The following GAB2 variants were observed in gnomAD, a reference collection of about 807,000 sequenced individuals.
GAB2 encodes the protein GRB2 associated binding protein 2.
In GAB2, 26 loss-of-function variants were observed where a neutral mutation model predicts 65.5. That is an observed-to-expected ratio of 0.40 (90% CI 0.29 to 0.55). The LOEUF (loss-of-function observed/expected upper bound fraction) is 0.55, where lower values mean the gene tolerates loss of function less well. GAB2 is among the 20% of genes least tolerant of loss of function. GAB2 has a pLI of 0.53. For missense variants in GAB2, 884 were observed against 875.8 expected (o/e 1.01, Z -0.12); for synonymous variants, 321 against 329.6 (o/e 0.97, Z 0.28).
intron 3 of GAB2, among the ~76,000 whole-genome samples, chr11:78,232,720 C>T (rs1298097541): frequency 6.6e-6 from 1 of 152,134 alleles, no homozygotes; most frequent in African/African-American, 2.4e-5. Context: ...TTTACTGTAT[C>T]TTTACAATCA....
chr11:78,415,116 C>G (rs11237486), intron 1 of GAB2, among the ~76,000 whole-genome samples: 1 of 152,126 alleles, frequency 6.6e-6, no homozygotes, highest in Non-Finnish European at 1.5e-5. Flanking sequence ...CAGTGATCCA[C>G]CCGCCTCAGC....
intron 2 of GAB2, among the ~76,000 whole-genome samples, chr11:78,259,998 T>C (rs923306502): frequency 2.6e-5 from 4 of 152,246 alleles, no homozygotes; most frequent in Non-Finnish European, 2.9e-5. Context: ...TTTGAGTTTA[T>C]AGTATCACTC....
chr11:78,327,984 G>C (rs922118716), intron 1 of GAB2, among the ~76,000 whole-genome samples: 6 of 152,172 alleles, frequency 3.9e-5, no homozygotes, highest in African/African-American at 1.4e-4. Context: ...TTACAAACTT[G>C]TTGGGAATTT....
chr11:78,292,329 T>C (rs1251459773), intron 1 of GAB2, among the ~76,000 whole-genome samples: 1 of 152,204 alleles, frequency 6.6e-6, no homozygotes, highest in African/African-American at 2.4e-5. Context: ...TTCTACAACC[T>C]TAGCCACAAG....
intron 1 of GAB2, among the ~76,000 whole-genome samples, chr11:78,312,666 C>T (rs549944186): frequency 3.3e-5 from 5 of 152,230 alleles, no homozygotes; most frequent in East Asian, 1.9e-4. Flanking sequence ...TGACCTCAGG[C>T]GATCCAACTG....
chr11:78,346,063 G>A (rs140377800), intron 1 of GAB2, among the ~76,000 whole-genome samples: 2 of 152,170 alleles, frequency 1.3e-5, no homozygotes, highest in African/African-American at 4.8e-5. Context: ...GCAAATAATT[G>A]CATCACAGAG....
intron 1 of GAB2, among the ~76,000 whole-genome samples, chr11:78,407,468 C>T (rs1350126341): frequency 2.0e-5 from 3 of 151,382 alleles, no homozygotes; most frequent in Non-Finnish European, 2.9e-5. Context: ...CTGTCTCTAC[C>T]AAAAATACAA....
chr11:78,280,516 T>C, intron 2 of GAB2, 85 bp downstream of exon 2: 2 of 1,115,164 alleles, frequency 1.8e-6, no homozygotes, highest in South Asian at 1.5e-5. Context: ...CAGGAAACCT[T>C]AGCTAGAGCC....
At chr11:78,351,892 A>G (rs550073247) in intron 1 of GAB2, among the ~76,000 whole-genome samples, 14 of 152,272 alleles carry the variant, frequency 9.2e-5, no homozygotes, top group Admixed American at 9.1e-4. Context: ...ACCAAAAGGA[A>G]CCAAGCAAGA....
chr11:78,358,030 G>T (rs1309066227), intron 1 of GAB2, among the ~76,000 whole-genome samples: 1 of 152,090 alleles, frequency 6.6e-6, no homozygotes, highest in Non-Finnish European at 1.5e-5. Flanking sequence ...CAATAGCAAA[G>T]ACTTGGAACC....
intron 3 of GAB2, among the ~76,000 whole-genome samples, chr11:78,241,341 G>A (rs141649450): frequency 2.5e-4 from 38 of 152,302 alleles, no homozygotes; most frequent in Non-Finnish European, 4.4e-4. Context: ...CAGAAAGTCT[G>A]GAAGAGGTGA....
chr11:78,251,149 G>GA lies in GAB2; in HGVS notation c.377-750dup, dbSNP rs368938627. 4.3e-3 allele frequency among the ~76,000 whole-genome samples: 645 copies of GA among 148,384 alleles called. 4 individuals are homozygous for GA. Among genetic ancestry groups the GA allele is most frequent in the African/African-American group, 0.014 (557 of 40,504 alleles). ...ATGAAATTTAAACATCTAATTACAG[G>GA]AAAAAAAAAAGCTAAGGCTGGCTTT... On this transcript the variant is annotated intron_variant, in intron 2 of 9. Transcript: ENST00000361507.
At chr11:78,384,586 T>C (rs1317945056) in intron 1 of GAB2, among the ~76,000 whole-genome samples, 2 of 152,166 alleles carry the variant, frequency 1.3e-5, no homozygotes, top group Admixed American at 6.5e-5. Context: ...GGTGGAACGC[T>C]TGCAGAGAGA....
At chr11:78,232,221 A>G (rs1590950651) in intron 3 of GAB2, among the ~76,000 whole-genome samples, 1 of 152,204 alleles carries the variant, frequency 6.6e-6, no homozygotes, top group African/African-American at 2.4e-5. Flanking sequence ...TAATTTTACC[A>G]TTTACCCACC....
intron 1 of GAB2, among the ~76,000 whole-genome samples, chr11:78,355,098 G>A (rs568413292): frequency 1.3e-5 from 2 of 152,356 alleles, no homozygotes; most frequent in South Asian, 4.1e-4. Context: ...AAGATCAGGA[G>A]TGAAGTTAAT....
chr11:78,295,089 A>G (rs1420171704), intron 1 of GAB2, among the ~76,000 whole-genome samples: 3 of 152,242 alleles, frequency 2.0e-5, no homozygotes, highest in African/African-American at 4.8e-5. Flanking sequence ...ATGAACAGAC[A>G]TTTCTCAAAA....
intron 3 of GAB2, among the ~76,000 whole-genome samples, chr11:78,239,756 C>T (rs1865076706): frequency 6.6e-6 from 1 of 152,180 alleles, no homozygotes; most frequent in Admixed American, 6.5e-5. Flanking sequence ...ACATCTCAGG[C>T]CTCACCACTG....
chr11:78,218,988 C>T lies in GAB2; in HGVS notation c.*284G>A, dbSNP rs115149733. The T allele has an allele frequency of 8.2e-3, 3,249 of 396,942 alleles. 60 individuals are homozygous for T. The highest frequency in any genetic ancestry group is 0.043 in the African/African-American group (2,116 of 49,406). 24.6% of individuals were successfully genotyped at this position (396,942 alleles called of 1,614,324 possible). ...GTCAGGTCTAAAGGACAGGAAGAGG[C>T]TGAAGGATGCTTTTTGGAAGTAGCT... On this transcript the variant is annotated 3_prime_UTR_variant, in exon 10 of 10. Coordinates refer to ENST00000361507, the MANE Select transcript of GAB2 (RefSeq NM_080491.3).
intron 6 of GAB2, 139 bp downstream of exon 6, chr11:78,223,273 T>C (rs1330008489): frequency 3.1e-6 from 2 of 638,060 alleles, no homozygotes; most frequent in Non-Finnish European, 5.0e-6. Context: ...ATTTCACAGA[T>C]AAGAAAACTG....
Sources: gnomAD v4.1 joint callset for allele counts (sites outside exome capture counted in the v4.1 genomes callset) on GRCh38, gnomAD v4.1.1 for gene constraint, MANE v1.5 for transcripts, NCBI Gene and HGNC (gene_info 2026-07-23, HGNC 2026-07-21) for gene names.